TRDN: variants seen among roughly 807,000 people sequenced by gnomAD.
TRDN encodes triadin in skeletal muscle.
A neutral mutation model predicts 149.7 loss-of-function variants in TRDN; 161 were observed. That is an observed-to-expected ratio of 1.08 (90% CI 0.95 to 1.23). TRDN has a LOEUF of 1.23. Among genes scored for constraint, TRDN ranks in the 50% most tolerant of loss-of-function variants. The pLI, the probability that TRDN is intolerant of heterozygous loss-of-function variation, is 0.00. For missense variants in TRDN, 896 were observed against 823.5 expected (o/e 1.09, Z -1.08); for synonymous variants, 294 against 250.5 (o/e 1.17, Z -1.64).
chr6:123,619,335 T>C (rs1328920932), intron 1 of TRDN, among the ~76,000 whole-genome samples: 1 of 152,162 alleles, frequency 6.6e-6, no homozygotes, highest in Non-Finnish European at 1.5e-5. Context: ...GGATCCATTA[T>C]CAAGATGACT....
chr6:123,576,053 G>A (rs1782838357), intron 1 of TRDN, among the ~76,000 whole-genome samples: 2 of 152,218 alleles, frequency 1.3e-5, no homozygotes, highest in East Asian at 1.9e-4. Flanking sequence ...CTTTCAAGAT[G>A]TGTAGAGCAA....
chr6:123,524,095 A>G (rs977848249), intron 5 of TRDN, among the ~76,000 whole-genome samples: 1 of 152,146 alleles, frequency 6.6e-6, no homozygotes, highest in Non-Finnish European at 1.5e-5. Flanking sequence ...TACATATTTA[A>G]AAGCTATCCT....
intron 7 of TRDN, among the ~76,000 whole-genome samples, chr6:123,511,139 G>T (rs765818426): frequency 6.6e-6 from 1 of 152,028 alleles, no homozygotes; most frequent in Non-Finnish European, 1.5e-5. Flanking sequence ...CTTTAATTCA[G>T]TTTGATTTGA....
chr6:123,375,586 A>G lies in TRDN; in HGVS notation c.1273+19T>C. 3 of 1,529,550 alleles carry G rather than the reference A, an allele frequency of 2.0e-6. No individual in the cohort carries two copies. The highest frequency in any genetic ancestry group is 2.6e-6 in the Non-Finnish European group (3 of 1,136,256). The allele number at this position is 1,529,550 out of a possible 1,614,324, so 94.7% of individuals were successfully genotyped here. On this transcript the variant is annotated intron_variant, in intron 19 of 40. Transcript: ENST00000334268. ...AGCTGCCCAAATATGCTCTTCTTTA[A>G]AAATTTTGTTCAACATACTTGCTTT... is the stretch of plus-strand genomic sequence containing the variant.
intron 1 of TRDN, among the ~76,000 whole-genome samples, chr6:123,597,705 A>G (rs748242453): frequency 1.6e-4 from 24 of 152,236 alleles, no homozygotes; most frequent in Middle Eastern, 3.4e-3. Context: ...CAGCAAAAAG[A>G]TTATGACTTG....
At chr6:123,337,596 T>C (rs1315914507) in intron 22 of TRDN, 23 bp downstream of exon 22, 1 of 1,148,322 alleles carries the variant, frequency 8.7e-7, no homozygotes, top group Non-Finnish European at 1.2e-6. Flanking sequence ...ATTTGTAATA[T>C]TATATTAAAT....
chr6:123,265,990 C>T (rs1776938781), intron 32 of TRDN, among the ~76,000 whole-genome samples: 1 of 144,536 alleles, frequency 6.9e-6, no homozygotes, highest in South Asian at 2.1e-4. Flanking sequence ...GCTATGATTG[C>T]AGGATTGAAT....
At position 123,377,710 on chromosome 6, in the gene TRDN, A is replaced by G. The variant is rs771373849; in HGVS notation, c.1246+6T>C. On this transcript the variant is annotated splice_donor_region_variant and intron_variant, in intron 18 of 40. Coordinates refer to ENST00000334268, the MANE Select transcript of TRDN (RefSeq NM_006073.4). ...TTCGGAATCCAGCAACAGTGGTCTT[A>G]CTCACCTGAGTGTTCTTTCTTTGGT... 1 of 1,613,104 alleles carries G rather than the reference A, an allele frequency of 6.2e-7. No homozygotes were observed. The highest frequency in any genetic ancestry group is 8.5e-7 in the Non-Finnish European group (1 of 1,179,568).
intron 1 of TRDN, among the ~76,000 whole-genome samples, chr6:123,625,560 G>A (rs976230059): frequency 6.6e-6 from 1 of 152,130 alleles, no homozygotes; most frequent in Non-Finnish European, 1.5e-5. Context: ...ACAGTCAACA[G>A]TAATTCATTG....
intron 32 of TRDN, 84 bp downstream of exon 32, chr6:123,267,623 T>C (rs1777057264): frequency 1.1e-6 from 1 of 911,132 alleles, no homozygotes. Context: ...ACAGTGAAAA[T>C]GACTTGTATG....
intron 21 of TRDN, chr6:123,351,133 A>C: frequency 2.0e-6 from 2 of 984,746 alleles, no homozygotes; most frequent in Non-Finnish European, 1.2e-6. Flanking sequence ...TTTATACTAG[A>C]GGGGGAAAGC....
intron 8 of TRDN, chr6:123,502,072 A>G (rs1405026054): frequency 3.9e-5 from 38 of 983,902 alleles, no homozygotes; most frequent in Non-Finnish European, 4.3e-5. Context: ...TACACTCTGT[A>G]TTTATGGTTA....
At chr6:123,583,376 G>T (rs1250454486) in intron 1 of TRDN, among the ~76,000 whole-genome samples, 2 of 152,090 alleles carry the variant, frequency 1.3e-5, no homozygotes, top group Non-Finnish European at 2.9e-5. Context: ...CGTCTATACA[G>T]GAGCTCAAAT....
intron 12 of TRDN, among the ~76,000 whole-genome samples, chr6:123,426,462 T>C (rs1027529400): frequency 3.3e-5 from 5 of 152,116 alleles, no homozygotes; most frequent in Admixed American, 1.3e-4. Flanking sequence ...AGTGGAGCAA[T>C]AGTAAGTAGT....
intron 19 of TRDN, among the ~76,000 whole-genome samples, chr6:123,367,172 G>A (rs991202316): frequency 2.0e-5 from 3 of 152,032 alleles, no homozygotes; most frequent in Non-Finnish European, 4.4e-5. Context: ...GCTAGTTAAA[G>A]TCAAAGTTTT....
At chr6:123,490,637 T>A (rs1178545491) in intron 9 of TRDN, among the ~76,000 whole-genome samples, 2 of 152,200 alleles carry the variant, frequency 1.3e-5, no homozygotes, top group Non-Finnish European at 1.5e-5. Context: ...CCATTTCATT[T>A]TGCTAAAAGA....
chr6:123,518,483 C>T (rs1017742174), intron 5 of TRDN, among the ~76,000 whole-genome samples: 3 of 152,146 alleles, frequency 2.0e-5, no homozygotes, highest in African/African-American at 7.2e-5. Flanking sequence ...CACAGGGGAA[C>T]ACCTAATCTG....
chr6:123,457,100 C>A (rs1357319956), intron 10 of TRDN, among the ~76,000 whole-genome samples: 1 of 152,214 alleles, frequency 6.6e-6, no homozygotes, highest in Non-Finnish European at 1.5e-5. Flanking sequence ...AATTCACAAA[C>A]TGTGTCATCC....
At chr6:123,581,572 C>T (rs914925298) in intron 1 of TRDN, among the ~76,000 whole-genome samples, 4 of 152,130 alleles carry the variant, frequency 2.6e-5, no homozygotes, top group South Asian at 4.2e-4. Flanking sequence ...GAAGGTTATG[C>T]GGTATATAGT....
Sources: allele counts gnomAD v4.1 joint callset (sites outside exome capture counted in the v4.1 genomes callset), GRCh38; gene constraint gnomAD v4.1.1; transcripts MANE v1.5; gene names NCBI Gene and HGNC (gene_info 2026-07-23, HGNC 2026-07-21).